The following CAPZA2 variants were observed in gnomAD, a reference collection of about 807,000 sequenced individuals.
CAPZA2 encodes the protein F-actin-capping protein subunit alpha-2.
CAPZA2 carries 13 observed loss-of-function variants against 44.0 expected under a neutral mutation model. The observed-to-expected ratio is 0.30, with a 90% confidence interval of 0.19 to 0.47. The LOEUF is 0.47. Ranked by LOEUF, CAPZA2 falls within the 20% of genes least tolerant of loss-of-function variation. The pLI is 1.00. For synonymous variants in CAPZA2, 94 were observed against 108.2 expected (o/e 0.87, Z 0.81); for missense variants, 244 against 338.6 (o/e 0.72, Z 2.19).
intron 4 of CAPZA2, among the ~76,000 whole-genome samples, chr7:116,900,740 A>G (rs112582413): frequency 0.032 from 4,917 of 152,216 alleles, 259 homozygotes; most frequent in African/African-American, 0.11. Context: ...AACCTACAGA[A>G]TGGGAGACAA....
intron 3 of CAPZA2, among the ~76,000 whole-genome samples, chr7:116,893,869 C>T (rs73473213): frequency 0.022 from 3,360 of 152,240 alleles, 129 homozygotes; most frequent in African/African-American, 0.077. Context: ...CATGACTTTT[C>T]GCAGCTATCC....
At chr7:116,909,420 A>AT (rs748483713) in intron 6 of CAPZA2, among the ~76,000 whole-genome samples, 1 of 152,178 alleles carries the variant, frequency 6.6e-6, no homozygotes, top group Non-Finnish European at 1.5e-5. Flanking sequence ...AAAAAGAAAA[A>AT]TAAGATAAAA....
intron 1 of CAPZA2, among the ~76,000 whole-genome samples, chr7:116,864,514 A>G (rs1272856411): frequency 6.6e-6 from 1 of 152,212 alleles, no homozygotes; most frequent in East Asian, 1.9e-4. Flanking sequence ...TAGATATTTT[A>G]CATATAAATT....
intron 3 of CAPZA2, among the ~76,000 whole-genome samples, chr7:116,895,845 C>G (rs1796918298): frequency 6.6e-6 from 1 of 152,082 alleles, no homozygotes; most frequent in Non-Finnish European, 1.5e-5. Context: ...AGTGTCCTCT[C>G]TGTGAAATAA....
intron 8 of CAPZA2, 22 bp from the exon 9 acceptor site, chr7:116,916,038 A>G (rs1791674825): frequency 1.5e-6 from 2 of 1,375,170 alleles, no homozygotes; most frequent in East Asian, 2.5e-5. Context: ...TACTATTTTT[A>G]TTTTGTTTTT....
At chr7:116,875,713 A>AT (rs549848538) in intron 1 of CAPZA2, 33,039 of 146,324 alleles carry the variant, frequency 0.23, 3,681 homozygotes, top group East Asian at 0.41. Flanking sequence ...TGCCTGGCTA[A>AT]TTTTTTTTTT....
chr7:116,896,985 A>G (rs1230618098), intron 3 of CAPZA2, among the ~76,000 whole-genome samples: 1 of 152,114 alleles, frequency 6.6e-6, no homozygotes, highest in Non-Finnish European at 1.5e-5. Context: ...GTACTGTGTA[A>G]TTGTCACCAT....
chr7:116,909,182 T>C (rs1791553797), intron 6 of CAPZA2, among the ~76,000 whole-genome samples: 1 of 152,164 alleles, frequency 6.6e-6, no homozygotes. Context: ...CTATAGACTT[T>C]ATGATTGGGT....
rs527262955 is a variant in CAPZA2 at position 116,917,679 on chromosome 7, G to C, written c.721-48G>C. 1.1e-5 allele frequency: 15 copies of C among 1,327,484 alleles called. No individual in the cohort carries two copies. The African/African-American group carries it at 1.7e-4, about 15-fold the overall frequency. 82.2% of individuals were successfully genotyped at this position (1,327,484 alleles called of 1,614,324 possible). ...AAAACATCTATGTGCTTTATAAATTGTTCTGTTCTTTGCTTTACTTTAAAC... is the reference window on the plus strand; with the variant it reads ...AAAACATCTATGTGCTTTATAAATTCTTCTGTTCTTTGCTTTACTTTAAAC... On this transcript the variant is annotated intron_variant, in intron 9 of 9. Transcript: ENST00000361183.
At chr7:116,884,277 T>C (rs899462099) in intron 1 of CAPZA2, among the ~76,000 whole-genome samples, 2 of 152,212 alleles carry the variant, frequency 1.3e-5, no homozygotes, top group Non-Finnish European at 2.9e-5. Context: ...GTGAGTACTC[T>C]TTTTTGATGA....
chr7:116,916,262 C>T, intron 9 of CAPZA2, 140 bp downstream of exon 9: 1 of 811,574 alleles, frequency 1.2e-6, no homozygotes, highest in East Asian at 3.5e-5. Context: ...AACACAAAGG[C>T]AGACTTACTA....
intron 1 of CAPZA2, among the ~76,000 whole-genome samples, chr7:116,877,178 T>TC (rs1315242116): frequency 3.9e-5 from 6 of 152,200 alleles, no homozygotes. Flanking sequence ...ATTTTAGTCT[T>TC]TAAACCGCAA....
intron 1 of CAPZA2, among the ~76,000 whole-genome samples, chr7:116,868,086 T>TG (rs1796505527): frequency 6.6e-6 from 1 of 152,216 alleles, no homozygotes; most frequent in African/African-American, 2.4e-5. Context: ...TTGGTACTGC[T>TG]CCCAGGTCTG....
At chr7:116,905,075 G>A (rs1483772490) in intron 5 of CAPZA2, among the ~76,000 whole-genome samples, 1 of 148,732 alleles carries the variant, frequency 6.7e-6, no homozygotes, top group Non-Finnish European at 1.5e-5. Flanking sequence ...GGAGGCAGAG[G>A]TTGCAGTGAG....
intron 1 of CAPZA2, among the ~76,000 whole-genome samples, chr7:116,877,195 A>C (rs1397218708): frequency 6.6e-6 from 1 of 152,250 alleles, no homozygotes; most frequent in Non-Finnish European, 1.5e-5. Context: ...GCAAGTCTCA[A>C]TAGTGCTAGC....
At chr7:116,903,653 A>G (rs1797024104) in intron 4 of CAPZA2, among the ~76,000 whole-genome samples, 1 of 152,214 alleles carries the variant, frequency 6.6e-6, no homozygotes, top group Non-Finnish European at 1.5e-5. Flanking sequence ...AAATACTTGG[A>G]AGTCAATTAA....
intron 2 of CAPZA2, among the ~76,000 whole-genome samples, chr7:116,890,524 AAATATATATATATATATATATATATAT>A (rs1796820719): frequency 3.4e-5 from 1 of 29,820 alleles, no homozygotes; most frequent in Non-Finnish European, 5.4e-5. Context: ...AAAAAAAAAA[AAATATATATATATATATATATATATAT>A]ATATATATAT....
At chr7:116,894,322 A>G (rs937082380) in intron 3 of CAPZA2, among the ~76,000 whole-genome samples, 1 of 150,296 alleles carries the variant, frequency 6.7e-6, no homozygotes, top group East Asian at 2.0e-4. Flanking sequence ...AGATGGCGCC[A>G]CTGCACTCCA....
intron 8 of CAPZA2, among the ~76,000 whole-genome samples, chr7:116,912,993 GTC>G (rs1791617412): frequency 6.6e-6 from 1 of 152,080 alleles, no homozygotes; most frequent in Admixed American, 6.5e-5. Context: ...ATGAAGTAGT[GTC>G]TTATTGTGGT....
Sources: allele counts gnomAD v4.1 joint callset (sites outside exome capture counted in the v4.1 genomes callset), GRCh38; gene constraint gnomAD v4.1.1; transcripts MANE v1.5; gene names NCBI Gene and HGNC (gene_info 2026-07-23, HGNC 2026-07-21).